TAF3: variants seen among roughly 807,000 people sequenced by gnomAD.
TAF3 encodes the protein transcription initiation factor TFIID subunit 3.
Under a neutral mutation model 80.6 loss-of-function variants are expected in TAF3, and 7 were observed. The ratio of observed to expected loss-of-function variants is 0.09; its 90% CI spans 0.05 to 0.16. The LOEUF (loss-of-function observed/expected upper bound fraction) is 0.16. TAF3 is among the 10% of genes least tolerant of loss of function. The pLI, the probability that TAF3 is intolerant of heterozygous loss-of-function variation, is 1.00. For synonymous variants in TAF3, 444 were observed against 446.1 expected, an observed-to-expected ratio of 1.00 and a Z score of 0.06; for missense variants, 921 against 1,140.2, an observed-to-expected ratio of 0.81 and a Z score of 2.77.
At chr10:7,988,690 A>G (rs1459999763) in intron 4 of TAF3, among the ~76,000 whole-genome samples, 2 of 144,848 alleles carry the variant, frequency 1.4e-5, no homozygotes, top group Admixed American at 1.4e-4. Flanking sequence ...GTTTGAGGCT[A>G]CAGTGAGCTG....
intron 2 of TAF3, among the ~76,000 whole-genome samples, chr10:7,936,246 A>G (rs899314482): frequency 3.9e-5 from 6 of 152,124 alleles, no homozygotes; most frequent in African/African-American, 1.4e-4. Context: ...AAGTAAAACA[A>G]TCCTTGCTTA....
At chr10:7,969,598 A>G (rs1050008565) in intron 3 of TAF3, among the ~76,000 whole-genome samples, 3 of 152,204 alleles carry the variant, frequency 2.0e-5, no homozygotes, top group African/African-American at 7.2e-5. Context: ...GAAAAAATAA[A>G]TGCATTTTTA....
intron 2 of TAF3, among the ~76,000 whole-genome samples, chr10:7,945,523 T>C (rs570005484): frequency 1.8e-4 from 27 of 152,280 alleles, no homozygotes; most frequent in African/African-American, 6.3e-4. Context: ...GTTAAGTGGA[T>C]TCCCTTTGGC....
intron 2 of TAF3, among the ~76,000 whole-genome samples, chr10:7,959,600 C>T (rs770404138): frequency 3.3e-5 from 5 of 152,118 alleles, no homozygotes; most frequent in Admixed American, 1.3e-4. Context: ...TTTACTGAAA[C>T]ACAAACAACC....
At chr10:7,830,422 C>G (rs1836786647) in intron 2 of TAF3, among the ~76,000 whole-genome samples, 1 of 142,088 alleles carries the variant, frequency 7.0e-6, no homozygotes, top group African/African-American at 2.6e-5. Context: ...TATCCCTAGA[C>G]ACATTAATTT....
intron 5 of TAF3, among the ~76,000 whole-genome samples, chr10:8,011,953 G>A (rs972015053): frequency 2.0e-5 from 3 of 152,188 alleles, no homozygotes; most frequent in African/African-American, 7.2e-5. Context: ...CAAGGCAGCT[G>A]TATCACATGA....
intron 4 of TAF3, among the ~76,000 whole-genome samples, chr10:7,992,472 C>T (rs995196214): frequency 2.0e-5 from 3 of 152,052 alleles, no homozygotes; most frequent in Admixed American, 1.3e-4. Context: ...GGAAGAGATA[C>T]ATCTAAAATT....
intron 2 of TAF3, among the ~76,000 whole-genome samples, chr10:7,834,257 A>G (rs775042662): frequency 2.0e-5 from 3 of 152,224 alleles, no homozygotes; most frequent in Non-Finnish European, 4.4e-5. Context: ...TTGGGGCCAA[A>G]TATAAAAAAT....
At chr10:7,895,441 T>A (rs2131166482) in intron 2 of TAF3, among the ~76,000 whole-genome samples, 1 of 152,370 alleles carries the variant, frequency 6.6e-6, no homozygotes, top group South Asian at 2.1e-4. Flanking sequence ...TTAAGCATTT[T>A]GAAGACAGAC....
chr10:8,009,429 C>G lies in TAF3; in HGVS notation c.2568+99C>G, dbSNP rs376346538. On this transcript the variant is annotated intron_variant, in intron 5 of 6. Transcript: ENST00000344293. This position sits in a 1 kb window ranked among gnomAD's most constrained non-coding sequence, Gnocchi z 4.1. Reference sequence around the variant, plus strand: ...ATCGAATTTCAGACGCATTTCTCTTCAAAATTTTATTATTTACTTAATTAT... The same window carrying G: ...ATCGAATTTCAGACGCATTTCTCTTGAAAATTTTATTATTTACTTAATTAT... 1.2e-5 allele frequency: 17 copies of G among 1,408,488 alleles called. No homozygotes were observed. In the South Asian group the frequency reaches 2.1e-4, roughly 17 times the overall value. 87.2% of individuals were successfully genotyped at this position (1,408,488 alleles called of 1,614,324 possible). A position where few individuals can be genotyped will look rare whatever the true frequency, so the allele number is the denominator to read the frequency against.
intron 2 of TAF3, among the ~76,000 whole-genome samples, chr10:7,902,938 A>G (rs1172982112): frequency 1.3e-5 from 2 of 152,082 alleles, no homozygotes; most frequent in Non-Finnish European, 2.9e-5. Flanking sequence ...GTTTAAAAAT[A>G]ATAAAGTCAT....
chr10:7,910,804 T>A (rs1196034430), intron 2 of TAF3, among the ~76,000 whole-genome samples: 1 of 152,238 alleles, frequency 6.6e-6, no homozygotes, highest in East Asian at 1.9e-4. Flanking sequence ...CTGAATTTAT[T>A]TATTGTATAC....
At chr10:7,966,280 C>T (rs778933970) in intron 3 of TAF3, among the ~76,000 whole-genome samples, 10 of 152,182 alleles carry the variant, frequency 6.6e-5, no homozygotes, top group Non-Finnish European at 1.5e-4. Context: ...TCTTTTATTC[C>T]TTCCGTTTTC....
intron 2 of TAF3, among the ~76,000 whole-genome samples, chr10:7,963,181 G>A (rs1286316889): frequency 6.6e-6 from 1 of 152,140 alleles, no homozygotes; most frequent in Non-Finnish European, 1.5e-5. Flanking sequence ...TGTCATAAAA[G>A]TCCTAAAAAT....
intron 4 of TAF3, among the ~76,000 whole-genome samples, chr10:7,998,241 C>CTATATATATATATATATATATGTATA (rs1831907586): frequency 7.4e-6 from 1 of 134,436 alleles, no homozygotes; most frequent in South Asian, 2.4e-4. Context: ...TGAGTGAGAA[C>CTATATATATATATATATATATGTATA]TATATATATA....
At chr10:7,860,320 A>C (rs991425276) in intron 2 of TAF3, among the ~76,000 whole-genome samples, 1 of 152,214 alleles carries the variant, frequency 6.6e-6, no homozygotes, top group Middle Eastern at 3.4e-3. Context: ...CAAGAAATGA[A>C]TTATTAAGCG....
intron 2 of TAF3, among the ~76,000 whole-genome samples, chr10:7,962,697 C>G (rs1831522225): frequency 6.6e-6 from 1 of 152,194 alleles, no homozygotes; most frequent in African/African-American, 2.4e-5. Flanking sequence ...ATTAATCAAG[C>G]CTCCTCCGCA....
chr10:7,859,260 C>CAATAAATAAATA (rs145110594), intron 2 of TAF3, among the ~76,000 whole-genome samples: 3 of 134,292 alleles, frequency 2.2e-5, no homozygotes, highest in Admixed American at 7.6e-5. Context: ...GACTCCATCT[C>CAATAAATAAATA]AATAAATAAA....
At chr10:7,980,210 A>G (rs912811998) in intron 4 of TAF3, among the ~76,000 whole-genome samples, 1 of 152,214 alleles carries the variant, frequency 6.6e-6, no homozygotes, top group African/African-American at 2.4e-5. Context: ...GCTGAAGAAC[A>G]GGCAGAATCA....
Sources: gnomAD v4.1 joint callset for allele counts (sites outside exome capture counted in the v4.1 genomes callset) on GRCh38, gnomAD v4.1.1 for gene constraint, Gnocchi (gnomAD v3.1) non-coding constraint, MANE v1.5 for transcripts, NCBI Gene and HGNC (gene_info 2026-07-23, HGNC 2026-07-21) for gene names.